The following CDK6 variants were observed in gnomAD, a reference collection of about 807,000 sequenced individuals.
CDK6 encodes cyclin-dependent kinase 6.
A neutral mutation model predicts 37.1 loss-of-function variants in CDK6; 6 were observed. The ratio of observed to expected loss-of-function variants is 0.16; its 90% CI spans 0.09 to 0.32. CDK6 has a LOEUF of 0.32. CDK6 is among the 10% of genes least tolerant of loss of function. CDK6 has a pLI of 1.00. For missense variants in CDK6, 224 were observed against 418.9 expected (o/e 0.53, Z 4.06); for synonymous variants, 160 against 161.3 (o/e 0.99, Z 0.06).
intron 5 of CDK6, among the ~76,000 whole-genome samples, chr7:92,662,790 A>G (rs748249686): frequency 6.6e-6 from 1 of 152,196 alleles, no homozygotes; most frequent in Non-Finnish European, 1.5e-5. Context: ...AGGTCATGCC[A>G]TTAGGACTGG....
intron 5 of CDK6, among the ~76,000 whole-genome samples, chr7:92,649,147 C>A (rs1024878417): frequency 6.6e-6 from 1 of 152,094 alleles, no homozygotes; most frequent in Non-Finnish European, 1.5e-5. Flanking sequence ...CTGTGATAAG[C>A]CCTGAGTCAC....
chr7:92,784,687 CAG>C (rs1245592774), intron 2 of CDK6, among the ~76,000 whole-genome samples: 5 of 152,188 alleles, frequency 3.3e-5, no homozygotes, highest in Non-Finnish European at 5.9e-5. Context: ...TCAGAGATGA[CAG>C]AGTAGCAAAC....
chr7:92,745,760 G>C (rs1455866321), intron 3 of CDK6, among the ~76,000 whole-genome samples: 1 of 152,140 alleles, frequency 6.6e-6, no homozygotes, highest in Non-Finnish European at 1.5e-5. Flanking sequence ...TGATAAGTCT[G>C]CTGCTTTTTC....
In CDK6 at chr7:92,605,188, A is replaced by G. The variant is rs1037087415; in HGVS notation, c.*9952T>C. ...ATTGGACAGTGATATTTCAACACCAATTTTGAAAAAAACAATGAACTTCAT... is the reference window on the plus strand; with the variant it reads ...ATTGGACAGTGATATTTCAACACCAGTTTTGAAAAAAACAATGAACTTCAT... On this transcript the variant is annotated 3_prime_UTR_variant, in exon 8 of 8. Transcript: ENST00000424848. 25 of 233,358 alleles carry G rather than the reference A, an allele frequency of 1.1e-4. No individual in the cohort carries two copies. The East Asian group carries it at 1.4e-3, about 13-fold the overall frequency. 14.5% of individuals were successfully genotyped at this position (233,358 alleles called of 1,614,324 possible).
chr7:92,768,643 G>A (rs1042793432), intron 3 of CDK6, among the ~76,000 whole-genome samples: 13 of 152,156 alleles, frequency 8.5e-5, no homozygotes, highest in African/African-American at 3.1e-4. Context: ...CATTATGGTA[G>A]AGTATTTGTT....
At chr7:92,624,251 T>C (rs1170745052) in intron 5 of CDK6, among the ~76,000 whole-genome samples, 7 of 152,188 alleles carry the variant, frequency 4.6e-5, no homozygotes, top group Non-Finnish European at 7.4e-5. Context: ...CCCAAATTCA[T>C]GTTGAAGCCC....
intron 4 of CDK6, among the ~76,000 whole-genome samples, chr7:92,705,030 A>G (rs768472250): frequency 5.3e-5 from 8 of 152,258 alleles, no homozygotes; most frequent in Non-Finnish European, 1.2e-4. Flanking sequence ...CTAATCTAAC[A>G]TTCTTTGCCA....
At chr7:92,778,604 A>T (rs760831629) in intron 2 of CDK6, among the ~76,000 whole-genome samples, 17 of 152,162 alleles carry the variant, frequency 1.1e-4, no homozygotes, top group Admixed American at 2.0e-4. Context: ...TTAAATCCAC[A>T]TACTTGGACA....
At chr7:92,773,969 G>A (rs962065230) in intron 3 of CDK6, among the ~76,000 whole-genome samples, 2 of 152,174 alleles carry the variant, frequency 1.3e-5, no homozygotes, top group African/African-American at 2.4e-5. Context: ...CGCACATGAT[G>A]TGTATAAATC....
At chr7:92,684,929 A>G (rs917229100) in intron 4 of CDK6, among the ~76,000 whole-genome samples, 1 of 152,140 alleles carries the variant, frequency 6.6e-6, no homozygotes, top group South Asian at 2.1e-4. Flanking sequence ...GGACTCGACG[A>G]CATTATCTAG....
At chr7:92,664,963 T>C (rs906299275) in intron 5 of CDK6, among the ~76,000 whole-genome samples, 1 of 152,060 alleles carries the variant, frequency 6.6e-6, no homozygotes, top group Admixed American at 6.5e-5. Context: ...TTTTTTGTAT[T>C]TTTAATAGAG....
intron 2 of CDK6, among the ~76,000 whole-genome samples, chr7:92,822,699 G>T: frequency 6.6e-6 from 1 of 152,050 alleles, no homozygotes; most frequent in African/African-American, 2.4e-5. Flanking sequence ...GGCACACGGG[G>T]CAATGCAAAA....
chr7:92,784,424 T>C (rs538971673), intron 2 of CDK6, among the ~76,000 whole-genome samples: 2 of 152,340 alleles, frequency 1.3e-5, no homozygotes, highest in Non-Finnish European at 1.5e-5. Flanking sequence ...TAGATTAGTA[T>C]AAAGAACAAT....
chr7:92,621,880 G>C (rs932989819), intron 6 of CDK6, among the ~76,000 whole-genome samples: 1 of 152,124 alleles, frequency 6.6e-6, no homozygotes, highest in Non-Finnish European at 1.5e-5. Context: ...AGTAGCACTG[G>C]CATTAACAGA....
Position 92,800,018 on chromosome 7 carries a change from A to G in CDK6, c.234-25187T>C, listed in dbSNP as rs1193597876. Among the ~76,000 whole-genome samples the G allele has an allele frequency of 3.3e-5, 5 of 152,310 alleles. No homozygotes were observed. The South Asian group carries it at 6.2e-4, about 19-fold the overall frequency. Reference sequence around the variant, plus strand: ...TATCCTCTCACTCAAGCATAAAACCATAATTCATCTTGTTGACCCTACAGC... The same window carrying G: ...TATCCTCTCACTCAAGCATAAAACCGTAATTCATCTTGTTGACCCTACAGC... On this transcript the variant is annotated intron_variant, in intron 2 of 7. Transcript: ENST00000424848.
chr7:92,669,694 G>A (rs905633668), intron 5 of CDK6, among the ~76,000 whole-genome samples: 4 of 152,158 alleles, frequency 2.6e-5, no homozygotes, highest in African/African-American at 7.2e-5. Context: ...GAAAAGAATC[G>A]CTGAAGGTAC....
At chr7:92,791,191 G>C (rs569692779) in intron 2 of CDK6, among the ~76,000 whole-genome samples, 4 of 152,190 alleles carry the variant, frequency 2.6e-5, no homozygotes, top group African/African-American at 9.6e-5. Flanking sequence ...TGGAGGGATG[G>C]GGAAGGAGAA....
intron 5 of CDK6, among the ~76,000 whole-genome samples, chr7:92,647,936 T>A (rs1346635007): frequency 6.6e-6 from 1 of 152,192 alleles, no homozygotes; most frequent in Non-Finnish European, 1.5e-5. Context: ...GTAAACTGCT[T>A]TGGAAGATGA....
intron 4 of CDK6, among the ~76,000 whole-genome samples, chr7:92,694,095 A>C (rs912538440): frequency 2.7e-4 from 41 of 152,164 alleles, no homozygotes; most frequent in Non-Finnish European, 5.7e-4. Flanking sequence ...GACTAGATGG[A>C]CTAAGGGAAA....
Sources: allele counts gnomAD v4.1 joint callset (sites outside exome capture counted in the v4.1 genomes callset), GRCh38; gene constraint gnomAD v4.1.1; transcripts MANE v1.5; gene names NCBI Gene and HGNC (gene_info 2026-07-23, HGNC 2026-07-21).